The following MNAT1 variants were observed in gnomAD, a reference collection of about 807,000 sequenced individuals.
The protein encoded by MNAT1 is CDK-activating kinase assembly factor MAT1.
Under a neutral mutation model 42.0 loss-of-function variants are expected in MNAT1, and 43 were observed. That is an observed-to-expected ratio of 1.02 (90% confidence interval 0.80 to 1.32). The LOEUF is 1.32. MNAT1 is among the 40% of genes most tolerant of loss of function. The pLI is 0.00. For synonymous variants in MNAT1, 118 were observed against 120.0 expected (o/e 0.98, Z 0.11); for missense variants, 306 against 350.4 (o/e 0.87, Z 1.01).
At chr14:60,938,416 A>C (rs10467730) in intron 7 of MNAT1, among the ~76,000 whole-genome samples, 5,575 of 152,148 alleles carry the variant, frequency 0.037, 327 homozygotes, top group African/African-American at 0.13. Flanking sequence ...TAACTAATTT[A>C]TTGAGAGTTT....
Position 60,796,938 on chromosome 14 carries a change from T to A in MNAT1, c.242+569T>A, listed in dbSNP as rs4151203. On this transcript the variant is annotated intron_variant, in intron 2 of 7. Coordinates refer to ENST00000261245, the MANE Select transcript of MNAT1 (RefSeq NM_002431.4). ...GTGTTAGCTATAGTTTATTTTGGTA[T>A]GTGTATTTTTGTGTATATAGATATA... Among the ~76,000 whole-genome samples the A allele has an allele frequency of 1.3e-4, 20 of 152,200 alleles. 2 individuals are homozygous for A. The South Asian group carries it at 3.9e-3, about 30-fold the overall frequency.
chr14:60,952,927 T>C (rs893919455), intron 7 of MNAT1, among the ~76,000 whole-genome samples: 1 of 151,634 alleles, frequency 6.6e-6, no homozygotes. Flanking sequence ...TATGTCAGAG[T>C]AGTAGGAGTG....
At chr14:60,915,618 A>T (rs542057111) in intron 7 of MNAT1, among the ~76,000 whole-genome samples, 1 of 152,268 alleles carries the variant, frequency 6.6e-6, no homozygotes, top group East Asian at 1.9e-4. Context: ...TCCTTACCCA[A>T]TGTAGGTGTT....
chr14:60,947,171 T>C (rs2036293261), intron 7 of MNAT1, among the ~76,000 whole-genome samples: 1 of 152,036 alleles, frequency 6.6e-6, no homozygotes, highest in Non-Finnish European at 1.5e-5. Flanking sequence ...TAGCAAATCG[T>C]TTTCAGACTT....
At chr14:60,756,526 T>C (rs548735697) in intron 1 of MNAT1, among the ~76,000 whole-genome samples, 1 of 152,336 alleles carries the variant, frequency 6.6e-6, no homozygotes, top group South Asian at 2.1e-4. Flanking sequence ...CTTCACAGTG[T>C]CTTATGGATT....
At chr14:60,847,670 T>C (rs2033715388) in intron 6 of MNAT1, among the ~76,000 whole-genome samples, 1 of 152,172 alleles carries the variant, frequency 6.6e-6, no homozygotes, top group Non-Finnish European at 1.5e-5. Flanking sequence ...TTGTGTTAAA[T>C]AGATATTTTC....
intron 1 of MNAT1, among the ~76,000 whole-genome samples, chr14:60,788,850 G>A (rs879433666): frequency 2.6e-5 from 4 of 152,168 alleles, no homozygotes; most frequent in African/African-American, 4.8e-5. Flanking sequence ...GGAATGTTGT[G>A]GCTGGTTTGA....
At chr14:60,834,438 G>T (rs1377093419) in intron 6 of MNAT1, among the ~76,000 whole-genome samples, 1 of 152,178 alleles carries the variant, frequency 6.6e-6, no homozygotes, top group African/African-American at 2.4e-5. Flanking sequence ...TCAGGAGCAG[G>T]TTGTTCAATT....
intron 1 of MNAT1, among the ~76,000 whole-genome samples, chr14:60,771,327 A>G (rs749533240): frequency 1.6e-4 from 24 of 151,664 alleles, no homozygotes; most frequent in Non-Finnish European, 3.2e-4. Context: ...GCTTTTTGGT[A>G]GTTTCTGTTT....
At chr14:60,878,981 T>C (rs909912143) in intron 6 of MNAT1, among the ~76,000 whole-genome samples, 15 of 152,192 alleles carry the variant, frequency 9.9e-5, no homozygotes, top group African/African-American at 3.4e-4. Context: ...GTCTATGGTG[T>C]TGCCTATTGT....
chr14:60,903,874 T>TG (rs2035130231), intron 7 of MNAT1, among the ~76,000 whole-genome samples: 1 of 150,144 alleles, frequency 6.7e-6, no homozygotes, highest in African/African-American at 2.4e-5. Flanking sequence ...AGTTTTTTTT[T>TG]TTTTTTTTTT....
In MNAT1 at chr14:60,734,861, C is replaced by A; in HGVS notation, c.-2C>A. 1 of 1,614,034 alleles carries A rather than the reference C, an allele frequency of 6.2e-7. No homozygotes were observed. The highest frequency in any genetic ancestry group is 1.1e-5 in the South Asian group (1 of 91,078). On this transcript the variant is annotated 5_prime_UTR_variant, in exon 1 of 8. Coordinates refer to ENST00000261245, the MANE Select transcript of MNAT1 (RefSeq NM_002431.4). The surrounding 1 kb of genome is among the most constrained non-coding windows in gnomAD (Gnocchi z 4.3). ...GCGAGAGTCTGTAGGAGGGAAACCG[C>A]CATGGACGATCAGGGTTGCCCTCGG...
intron 7 of MNAT1, among the ~76,000 whole-genome samples, chr14:60,909,288 A>G (rs1226872462): frequency 6.6e-6 from 1 of 152,000 alleles, no homozygotes; most frequent in Non-Finnish European, 1.5e-5. Context: ...GTTCACTCTG[A>G]TGGTGGTTTC....
Position 60,796,802 on chromosome 14 carries a change from G to A in MNAT1, c.242+433G>A, listed in dbSNP as rs183490527. Among the ~76,000 whole-genome samples the A allele has an allele frequency of 4.1e-4, 63 of 152,264 alleles. 1 individual carries two copies. Among genetic ancestry groups the A allele is most frequent in the African/African-American group, 1.3e-3 (56 of 41,560 alleles). On this transcript the variant is annotated intron_variant, in intron 2 of 7. Transcript: ENST00000261245. Reference sequence around the variant, plus strand: ...AAACAAATGTTATTTATTATAGATTGAGAATAGTGCTATATAGTTAGTGAC... The same window carrying A: ...AAACAAATGTTATTTATTATAGATTAAGAATAGTGCTATATAGTTAGTGAC...
intron 3 of MNAT1, among the ~76,000 whole-genome samples, chr14:60,799,807 G>A (rs2032144607): frequency 6.6e-6 from 1 of 151,864 alleles, no homozygotes; most frequent in African/African-American, 2.4e-5. Context: ...CCCATAATTG[G>A]TACTAGAATT....
intron 7 of MNAT1, among the ~76,000 whole-genome samples, chr14:60,897,998 G>A (rs1274936126): frequency 6.6e-6 from 1 of 151,956 alleles, no homozygotes; most frequent in South Asian, 2.1e-4. Flanking sequence ...GTCTTTCTGT[G>A]TCTGATTTAT....
rs949039879 is a variant in MNAT1, at chr14:60,928,976, G to A, written c.810-39253G>A. 2.7e-5 allele frequency among the ~76,000 whole-genome samples: 4 copies of A among 150,358 alleles called. No homozygotes were observed. In the South Asian group the frequency reaches 6.3e-4, roughly 24 times the overall value. On this transcript the variant is annotated intron_variant, in intron 7 of 7. Transcript: ENST00000261245. ...ATCCTGGCTAACACGGTGAAAGCTC[G>A]TCTCTACTAAAAATACAAAAAATTA...
intron 7 of MNAT1, among the ~76,000 whole-genome samples, chr14:60,937,513 C>T (rs958533415): frequency 6.6e-6 from 1 of 152,114 alleles, no homozygotes; most frequent in Admixed American, 6.6e-5. Flanking sequence ...TTGTTTTTGT[C>T]AGGTTTGTCA....
chr14:60,841,470 T>C lies in MNAT1; in HGVS notation c.687+22623T>C, dbSNP rs2033550858. ...TAAAGTTGTGTGTGTTTTTAATCTT[T>C]AGATGTTCTGTTTGGGTCTTTTTTG... On this transcript the variant is annotated intron_variant, in intron 6 of 7. Coordinates refer to ENST00000261245, the MANE Select transcript of MNAT1 (RefSeq NM_002431.4). Among the ~76,000 whole-genome samples, 3 of 152,212 alleles carry C rather than the reference T, an allele frequency of 2.0e-5. No homozygotes were observed. The South Asian group carries it at 6.2e-4, about 32-fold the overall frequency.
Sources: gnomAD v4.1 joint callset for allele counts (sites outside exome capture counted in the v4.1 genomes callset) on GRCh38, gnomAD v4.1.1 for gene constraint, Gnocchi (gnomAD v3.1) non-coding constraint, MANE v1.5 for transcripts, NCBI Gene and HGNC (gene_info 2026-07-23, HGNC 2026-07-21) for gene names.